The following AATF variants were observed in gnomAD, a reference collection of about 807,000 sequenced individuals.
The protein encoded by AATF is apoptosis antagonizing transcription factor, also known as protein AATF.
Under a neutral mutation model 63.7 loss-of-function variants are expected in AATF, and 48 were observed. That is an observed-to-expected ratio of 0.75 (90% CI 0.60 to 0.96). The LOEUF (loss-of-function observed/expected upper bound fraction) is 0.96, where lower values mean the gene tolerates loss of function less well. Among genes scored for constraint, AATF ranks in the 40% least tolerant of loss-of-function variants. The pLI, the probability that AATF is intolerant of heterozygous loss-of-function variation, is 0.00. For missense variants in AATF, 639 were observed against 685.7 expected, an observed-to-expected ratio of 0.93 and a Z score of 0.76; for synonymous variants, 258 against 247.7, an observed-to-expected ratio of 1.04 and a Z score of -0.39.
intron 8 of AATF, among the ~76,000 whole-genome samples, chr17:36,991,610 G>C (rs1421480990): frequency 1.3e-5 from 2 of 148,662 alleles, no homozygotes; most frequent in Non-Finnish European, 3.0e-5. Flanking sequence ...TTTTGAGATG[G>C]AGTCTCGCTC....
intron 11 of AATF, among the ~76,000 whole-genome samples, chr17:37,048,168 G>A (rs2071710513): frequency 6.6e-6 from 1 of 151,930 alleles, no homozygotes. Context: ...TCCTTGGGTT[G>A]TTGGGGGATG....
intron 11 of AATF, among the ~76,000 whole-genome samples, chr17:37,050,458 A>G (rs2142327478): frequency 6.6e-6 from 1 of 152,368 alleles, no homozygotes; most frequent in South Asian, 2.1e-4. Context: ...CTTCCACCAC[A>G]CTAAGCAAAT....
At chr17:36,949,751 C>T (rs1413566210) in intron 1 of AATF, among the ~76,000 whole-genome samples, 2 of 152,192 alleles carry the variant, frequency 1.3e-5, no homozygotes, top group Non-Finnish European at 2.9e-5. Flanking sequence ...TGGGAGTAAT[C>T]CCGCTTTAGA....
intron 8 of AATF, among the ~76,000 whole-genome samples, chr17:37,006,966 A>G (rs996997041): frequency 5.3e-5 from 8 of 152,264 alleles, no homozygotes; most frequent in Admixed American, 1.3e-4. Flanking sequence ...TGACTTTTTC[A>G]GTGGTAGCCT....
chr17:36,962,538 T>G (rs1000470278), intron 4 of AATF, among the ~76,000 whole-genome samples: 1 of 151,808 alleles, frequency 6.6e-6, no homozygotes, highest in African/African-American at 2.4e-5. Context: ...TTCTTAGGAG[T>G]GAGAGTTGTC....
At chr17:37,056,420 GT>G (rs2071798353) in intron 11 of AATF, 180 bp from the exon 12 acceptor site, 14 of 616,386 alleles carry the variant, frequency 2.3e-5, no homozygotes, top group Non-Finnish European at 3.4e-5. Context: ...ATATTTTACT[GT>G]TTGATTGGGT....
intron 4 of AATF, among the ~76,000 whole-genome samples, chr17:36,960,222 C>T (rs573357272): frequency 6.6e-6 from 1 of 152,250 alleles, no homozygotes; most frequent in Non-Finnish European, 1.5e-5. Context: ...CCATATTGGC[C>T]AGGCCGGTCT....
chr17:37,031,361 A>T (rs1454247514), intron 10 of AATF: 3 of 530,890 alleles, frequency 5.7e-6, no homozygotes, highest in East Asian at 6.2e-5. Flanking sequence ...GCCATTTTAT[A>T]TAAGGAACTT....
At position 36,949,046 on chromosome 17, in the gene AATF, G is replaced by C. The variant is rs867208243; in HGVS notation, c.-80G>C. 7.6e-5 allele frequency: 97 copies of C among 1,272,704 alleles called. No individual in the cohort carries two copies. The Admixed American group carries it at 1.9e-3, about 25-fold the overall frequency. The allele number at this position is 1,272,704 out of a possible 1,614,324, so 78.8% of individuals were successfully genotyped here. A position where few individuals can be genotyped will look rare whatever the true frequency, so the allele number is the denominator to read the frequency against. On this transcript the variant is annotated 5_prime_UTR_variant, in exon 1 of 12. Transcript: ENST00000619387. ...GAATCGGATCAAGGCGAGAGGATCC[G>C]GCAGGGAAGGAGCTTCGGGGCCGGG... is the stretch of plus-strand genomic sequence containing the variant.
At chr17:37,039,393 G>A (rs1166853154) in intron 11 of AATF, among the ~76,000 whole-genome samples, 2 of 152,112 alleles carry the variant, frequency 1.3e-5, no homozygotes, top group African/African-American at 2.4e-5. Context: ...GTTTTAACTG[G>A]GGCTACCTTT....
At chr17:36,971,074 T>C (rs918692536) in intron 4 of AATF, among the ~76,000 whole-genome samples, 5 of 152,136 alleles carry the variant, frequency 3.3e-5, no homozygotes, top group Admixed American at 1.3e-4. Flanking sequence ...AAATTGATAA[T>C]TGGGCCAAAT....
chr17:36,989,533 A>G lies in AATF; in HGVS notation c.1314+122A>G, dbSNP rs199730611. ...TAGTGAGAGAAAGGAAAGCAACACT[A>G]CTTTACTGGATTACTGAGAGAAACT... On this transcript the variant is annotated intron_variant, in intron 7 of 11. Coordinates refer to ENST00000619387, the MANE Select transcript of AATF (RefSeq NM_012138.4). 97 of 1,019,642 alleles carry G rather than the reference A, an allele frequency of 9.5e-5. No individual in the cohort carries two copies. In the East Asian group the frequency reaches 2.5e-3, roughly 27 times the overall value. 63.2% of individuals were successfully genotyped at this position (1,019,642 alleles called of 1,614,324 possible).
At chr17:37,020,747 G>C in intron 9 of AATF, among the ~76,000 whole-genome samples, 187 bp from the exon 10 acceptor site, 1 of 152,202 alleles carries the variant, frequency 6.6e-6, no homozygotes, top group East Asian at 1.9e-4. Context: ...CCCAGCTGCC[G>C]TTTGTTTTTT....
intron 4 of AATF, among the ~76,000 whole-genome samples, chr17:36,959,573 G>A (rs2070929943): frequency 6.6e-6 from 1 of 152,060 alleles, no homozygotes; most frequent in Non-Finnish European, 1.5e-5. Context: ...TTCTGTAACG[G>A]GTACTCTACT....
At chr17:37,009,633 A>T (rs1597723982) in intron 8 of AATF, among the ~76,000 whole-genome samples, 1 of 145,766 alleles carries the variant, frequency 6.9e-6, no homozygotes. Flanking sequence ...CTGGCTAACA[A>T]GGTGAAACCC....
Position 36,963,459 on chromosome 17 carries a change from G to C in AATF, c.832+9552G>C, listed in dbSNP as rs978259842. Among the ~76,000 whole-genome samples, 5 of 152,306 alleles carry C rather than the reference G, an allele frequency of 3.3e-5. No individual in the cohort carries two copies. In the East Asian group the frequency reaches 9.6e-4, roughly 29 times the overall value. On this transcript the variant is annotated intron_variant, in intron 4 of 11. Transcript: ENST00000619387. ...AAGATAGCACAATGCCACACATTAT[G>C]TACAATATAAGGGATTTTCAAAGTG...
At chr17:36,979,276 G>A (rs566964374) in intron 4 of AATF, among the ~76,000 whole-genome samples, 4 of 152,174 alleles carry the variant, frequency 2.6e-5, no homozygotes, top group South Asian at 2.1e-4. Flanking sequence ...CAGTGGAATC[G>A]GTGTTTTTTA....
Position 37,014,136 on chromosome 17 carries a change from C to T in AATF, c.1399-4869C>T, listed in dbSNP as rs192926896. On this transcript the variant is annotated intron_variant, in intron 8 of 11. Coordinates refer to ENST00000619387, the MANE Select transcript of AATF (RefSeq NM_012138.4). ...CAGAAAGTAAATTGTTGAGTCCTTA[C>T]GTGTATGAAAAATGCATTTATGTAA... Among the ~76,000 whole-genome samples, 412 of 152,062 alleles carry T rather than the reference C, an allele frequency of 2.7e-3. 1 individual carries two copies. The highest frequency in any genetic ancestry group is 9.4e-3 in the African/African-American group (391 of 41,442).
intron 8 of AATF, among the ~76,000 whole-genome samples, chr17:37,006,068 AGGGCT>A (rs1041018057): frequency 2.0e-5 from 3 of 152,152 alleles, no homozygotes; most frequent in African/African-American, 7.2e-5. Flanking sequence ...GCAGGACCTC[AGGGCT>A]GTACAGTGAA....
Sources: gnomAD v4.1 joint callset for allele counts (sites outside exome capture counted in the v4.1 genomes callset) on GRCh38, gnomAD v4.1.1 for gene constraint, MANE v1.5 for transcripts, NCBI Gene and HGNC (gene_info 2026-07-23, HGNC 2026-07-21) for gene names.